Variants in CRTAC1 observed in about 807,000 individuals in gnomAD.
CRTAC1 encodes cartilage acidic protein 1.
Under a neutral mutation model 67.8 loss-of-function variants are expected in CRTAC1, and 37 were observed. The observed-to-expected ratio is 0.55, with a 90% CI of 0.42 to 0.72. The LOEUF (loss-of-function observed/expected upper bound fraction) is 0.72, where lower values mean the gene tolerates loss of function less well. CRTAC1 is among the 30% of genes least tolerant of loss of function. The pLI, the probability that CRTAC1 is intolerant of heterozygous loss-of-function variation, is 0.00. For missense variants in CRTAC1, 780 were observed against 931.6 expected, an observed-to-expected ratio of 0.84 and a Z score of 2.12; for synonymous variants, 348 against 371.0, an observed-to-expected ratio of 0.94 and a Z score of 0.71.
At chr10:97,966,632 A>G (rs1382705343) in intron 2 of CRTAC1, among the ~76,000 whole-genome samples, 2 of 152,056 alleles carry the variant, frequency 1.3e-5, no homozygotes, top group African/African-American at 4.8e-5. Flanking sequence ...GTTTTCCCCT[A>G]ATGTCCCTTT....
chr10:97,932,557 G>A (rs965742673), intron 3 of CRTAC1, among the ~76,000 whole-genome samples: 7 of 152,120 alleles, frequency 4.6e-5, no homozygotes, highest in Non-Finnish European at 1.0e-4. Flanking sequence ...TTTTAGATAC[G>A]GGGCTCAGGA....
In CRTAC1 at chr10:97,884,274, T is replaced by C. The variant is rs532734103; in HGVS notation, c.1564A>G (p.Met522Val). Residue 522 changes from methionine to valine, a missense_variant, in exon 12 of 15, where the codon ATG becomes GTG. Met to Val is a conservative substitution (Grantham distance 21). Coordinates refer to ENST00000370597, the MANE Select transcript of CRTAC1 (RefSeq NM_018058.7). ...TAGAGGATCTCCAGCACTGAGTTCATCTCCCCGCTGGCCACGTTCCGGCTC... is the reference window on the plus strand; with the variant it reads ...TAGAGGATCTCCAGCACTGAGTTCACCTCCCCGCTGGCCACGTTCCGGCTC... ...MVSRNVASGE[M>V]NSVLEILYPR... is the part of the protein sequence containing the mutation. The C allele has an allele frequency of 2.1e-5, 32 of 1,560,006 alleles. No individual in the cohort carries two copies. The Admixed American group carries it at 4.9e-4, about 24-fold the overall frequency.
chr10:98,007,356 A>C (rs1208108784), intron 2 of CRTAC1, among the ~76,000 whole-genome samples: 1 of 152,210 alleles, frequency 6.6e-6, no homozygotes, highest in Non-Finnish European at 1.5e-5. Flanking sequence ...TATCCAGCCC[A>C]AAAAAGGAGA....
chr10:97,962,958 G>A (rs2051552529), intron 2 of CRTAC1, among the ~76,000 whole-genome samples: 1 of 152,040 alleles, frequency 6.6e-6, no homozygotes, highest in African/African-American at 2.4e-5. Flanking sequence ...AGACTGCACT[G>A]AGAAACCCAG....
chr10:97,906,195 T>G (rs2050609492), intron 6 of CRTAC1, among the ~76,000 whole-genome samples: 1 of 152,092 alleles, frequency 6.6e-6, no homozygotes, highest in South Asian at 2.1e-4. Context: ...GAAGAGGCAG[T>G]GAGACTTGAG....
intron 3 of CRTAC1, 113 bp from the exon 4 acceptor site, chr10:97,923,513 G>T: frequency 1.5e-6 from 2 of 1,336,622 alleles, no homozygotes; most frequent in Non-Finnish European, 1.1e-6. Context: ...AGAGGAGGTT[G>T]GGTCATCTGC....
At position 97,923,167 on chromosome 10, in the gene CRTAC1, C is replaced by G. The variant is rs977214368; in HGVS notation, c.558+97G>C. On this transcript the variant is annotated intron_variant, in intron 4 of 14. Coordinates refer to ENST00000370597, the MANE Select transcript of CRTAC1 (RefSeq NM_018058.7). ...AGCACCCAATCTATCCAAGACACCG[C>G]GGGAGACGCCACTCTGTCAGGGGAC... is the stretch of plus-strand genomic sequence containing the variant. 10 of 1,445,050 alleles carry G rather than the reference C, an allele frequency of 6.9e-6. No homozygotes were observed. In the African/African-American group the frequency reaches 1.4e-4, roughly 20 times the overall value. 89.5% of individuals were successfully genotyped at this position (1,445,050 alleles called of 1,614,324 possible). A position where few individuals can be genotyped will look rare whatever the true frequency, so the allele number is the denominator to read the frequency against.
chr10:97,913,545 C>A (rs2050718858), intron 5 of CRTAC1, among the ~76,000 whole-genome samples: 1 of 152,288 alleles, frequency 6.6e-6, no homozygotes, highest in East Asian at 1.9e-4. Flanking sequence ...AAAATGCACA[C>A]AAAAATTACA....
chr10:97,878,747 G>C, intron 14 of CRTAC1: 2 of 1,292,868 alleles, frequency 1.5e-6, no homozygotes. Context: ...ACATTGAGGA[G>C]TCTTAGAAAG....
chr10:98,011,485 T>G, intron 1 of CRTAC1, 148 bp from the exon 2 acceptor site: 1 of 811,026 alleles, frequency 1.2e-6, no homozygotes, highest in Non-Finnish European at 2.0e-6. Context: ...CCACAAGCCC[T>G]GCCCTCCCCT....
At chr10:97,974,082 C>T (rs140164589) in intron 2 of CRTAC1, among the ~76,000 whole-genome samples, 9 of 152,064 alleles carry the variant, frequency 5.9e-5, no homozygotes, top group African/African-American at 1.9e-4. Flanking sequence ...ATTTTTATCT[C>T]CCCTCAAAGA....
chr10:97,996,813 A>T (rs1479728225), intron 2 of CRTAC1, among the ~76,000 whole-genome samples: 1 of 152,178 alleles, frequency 6.6e-6, no homozygotes, highest in Non-Finnish European at 1.5e-5. Flanking sequence ...TATTCACAAT[A>T]GCAAAGACTT....
intron 11 of CRTAC1, among the ~76,000 whole-genome samples, chr10:97,894,776 T>C (rs1458111075): frequency 9.0e-6 from 1 of 111,658 alleles, no homozygotes; most frequent in African/African-American, 3.2e-5. Context: ...GATAGGATTT[T>C]GTCATCCCCC....
intron 3 of CRTAC1, among the ~76,000 whole-genome samples, chr10:97,931,194 T>A (rs555010952): frequency 6.6e-6 from 1 of 152,306 alleles, no homozygotes; most frequent in East Asian, 1.9e-4. Flanking sequence ...ATAGATGAAA[T>A]ATTTGTTGGG....
chr10:97,969,147 T>C (rs73334612), intron 2 of CRTAC1, among the ~76,000 whole-genome samples: 2,816 of 152,294 alleles, frequency 0.018, 82 homozygotes, highest in African/African-American at 0.063. Flanking sequence ...AGAAGTCACA[T>C]GTTGATAGGC....
intron 2 of CRTAC1, among the ~76,000 whole-genome samples, chr10:97,990,658 G>A (rs947316780): frequency 1.3e-5 from 2 of 152,202 alleles, no homozygotes; most frequent in Non-Finnish European, 2.9e-5. Flanking sequence ...TAATCCATCA[G>A]GCACATTGAC....
chr10:97,887,568 C>T (rs1022111765), intron 11 of CRTAC1, among the ~76,000 whole-genome samples: 5 of 152,196 alleles, frequency 3.3e-5, no homozygotes, highest in South Asian at 2.1e-4. Flanking sequence ...GTACTGCTTC[C>T]GCAGCTTCCT....
intron 14 of CRTAC1, among the ~76,000 whole-genome samples, chr10:97,873,072 C>T (rs1219692340): frequency 3.9e-5 from 6 of 152,214 alleles, no homozygotes; most frequent in Non-Finnish European, 7.3e-5. Flanking sequence ...TCGAGGAAGC[C>T]TCACAACAAC....
chr10:97,987,897 C>T (rs546943557), intron 2 of CRTAC1, among the ~76,000 whole-genome samples: 6 of 152,324 alleles, frequency 3.9e-5, no homozygotes, highest in African/African-American at 1.4e-4. Flanking sequence ...CCTTTCCCAA[C>T]CACACAATGT....
Sources: gnomAD v4.1 joint callset for allele counts (sites outside exome capture counted in the v4.1 genomes callset) on GRCh38, gnomAD v4.1.1 for gene constraint, MANE v1.5 for transcripts, NCBI Gene and HGNC (gene_info 2026-07-23, HGNC 2026-07-21) for gene names.